The following RFWD3 variants were observed in gnomAD, a reference collection of about 807,000 sequenced individuals.
The protein encoded by RFWD3 is E3 ubiquitin-protein ligase RFWD3.
Under a neutral mutation model 87.7 loss-of-function variants are expected in RFWD3, and 65 were observed. The ratio of observed to expected loss-of-function variants is 0.74; its 90% CI spans 0.61 to 0.91. The LOEUF is 0.91. RFWD3 is among the 40% of genes least tolerant of loss of function. The pLI is 0.00. For synonymous variants in RFWD3, 433 were observed against 352.8 expected, an observed-to-expected ratio of 1.23 and a Z score of -2.55; for missense variants, 1,078 against 938.5, an observed-to-expected ratio of 1.15 and a Z score of -1.94.
intron 1 of RFWD3, chr16:74,664,635 G>C (rs1166207095): frequency 6.6e-6 from 1 of 152,162 alleles, no homozygotes; most frequent in Non-Finnish European, 1.5e-5. Context: ...TGTGGTCCTA[G>C]CTACTTGGGA....
At chr16:74,640,599 C>T (rs1293914781) in intron 6 of RFWD3, among the ~76,000 whole-genome samples, 5 of 151,856 alleles carry the variant, frequency 3.3e-5, no homozygotes, top group Non-Finnish European at 5.9e-5. Flanking sequence ...AATCTGATGG[C>T]GCCACTGCAC....
chr16:74,641,320 G>T (rs1959625119), intron 6 of RFWD3, among the ~76,000 whole-genome samples: 1 of 151,924 alleles, frequency 6.6e-6, no homozygotes, highest in African/African-American at 2.4e-5. Context: ...GTGCCACCAT[G>T]CCCGGCTAAT....
At position 74,651,916 on chromosome 16, in the gene RFWD3, T is replaced by C. The variant is rs1412939605; in HGVS notation, c.721+4A>G. 2 of 1,613,546 alleles carry C rather than the reference T, an allele frequency of 1.2e-6. No individual in the cohort carries two copies. The highest frequency in any genetic ancestry group is 1.7e-6 in the Non-Finnish European group (2 of 1,179,682). On this transcript the variant is annotated splice_donor_region_variant and intron_variant, in intron 3 of 12. Coordinates refer to ENST00000361070, the MANE Select transcript of RFWD3 (RefSeq NM_018124.4). ...GTGAGTCCAAACCTGGGTAAAATAC[T>C]GACCTTCTAAAATGACAGCTCCAGA...
chr16:74,640,299 C>A (rs1366565873), intron 6 of RFWD3, among the ~76,000 whole-genome samples: 3 of 151,862 alleles, frequency 2.0e-5, no homozygotes, highest in Admixed American at 2.0e-4. Context: ...GTGTGTGCCA[C>A]CACGCCCAGC....
intron 4 of RFWD3, among the ~76,000 whole-genome samples, chr16:74,648,737 C>T (rs538929512): frequency 6.6e-6 from 1 of 151,164 alleles, no homozygotes; most frequent in African/African-American, 2.4e-5. Flanking sequence ...ATCGCACCAC[C>T]GCACTCCACC....
At position 74,622,034 on chromosome 16, in the gene RFWD3, A is replaced by G. The variant is rs150675219; in HGVS notation, c.*1894T>C. On this transcript the variant is annotated 3_prime_UTR_variant, in exon 13 of 13. Coordinates refer to ENST00000361070, the MANE Select transcript of RFWD3 (RefSeq NM_018124.4). ...TTAAGATTCACATAACGTCCCTCAT[A>G]GTTAAGTCTCTTGCTTCCTACTATT... 42 of 152,302 alleles carry G rather than the reference A, an allele frequency of 2.8e-4. 1 individual carries two copies. In the East Asian group the frequency reaches 6.9e-3, roughly 25 times the overall value. The allele number at this position is 152,302 out of a possible 1,614,324, so 9.4% of individuals were successfully genotyped here.
At chr16:74,648,006 G>A in intron 4 of RFWD3, among the ~76,000 whole-genome samples, 1 of 152,140 alleles carries the variant, frequency 6.6e-6, no homozygotes, top group Admixed American at 6.5e-5. Flanking sequence ...GAGTGCAGTG[G>A]TGCAATCATG....
chr16:74,628,561 C>T lies in RFWD3; in HGVS notation c.1860G>A (p.Gln620=). ...GAGGCCAATGAGAAAAGTCCATTTTCTGTTCCCAGAATGAAGCATCCTCCA... is the reference window on the plus strand; with the variant it reads ...GAGGCCAATGAGAAAAGTCCATTTTTTGTTCCCAGAATGAAGCATCCTCCA... ...GTLEDASFWE[Q]KMDFSHWPHV... The change falls in exon 11 of 13, where the codon CAG becomes CAA. Residue 620 remains glutamine (Q), a synonymous_variant. Transcript: ENST00000361070. 6.2e-7 allele frequency: 1 copy of T among 1,614,200 alleles called. No individual in the cohort carries two copies. The highest frequency in any genetic ancestry group is 8.5e-7 in the Non-Finnish European group (1 of 1,180,044).
In RFWD3 at chr16:74,629,397, G is replaced by A. The variant is rs141682107; in HGVS notation, c.1755-731C>T. On this transcript the variant is annotated intron_variant, in intron 10 of 12. Coordinates refer to ENST00000361070, the MANE Select transcript of RFWD3 (RefSeq NM_018124.4). ...TGTTTGGCTGGGCATGGTGGCTCAC[G>A]CCTGTAATCCCAGCACTTCGGGAAG... is the stretch of plus-strand genomic sequence containing the variant. Among the ~76,000 whole-genome samples, 297 of 152,282 alleles carry A rather than the reference G, an allele frequency of 2.0e-3. 2 individuals are homozygous for A. The highest frequency in any genetic ancestry group is 3.5e-3 in the Non-Finnish European group (236 of 68,014).
At position 74,632,620 on chromosome 16, in the gene RFWD3, G is replaced by A; in HGVS notation, c.1480C>T (p.Pro494Ser). ...CCACGGATCTGTTTGCCATGCATCGGAATGTACTGACTGCTCTTCATGTTG... is the reference window on the plus strand; with the variant it reads ...CCACGGATCTGTTTGCCATGCATCGAAATGTACTGACTGCTCTTCATGTTG... ...TANMKSSQYI[P>S]MHGKQIRGLA... is the part of the protein sequence containing the mutation. Residue 494 changes from proline to serine, a missense_variant, in exon 9 of 13, where the codon CCG becomes TCG. Physicochemically the swap from Pro to Ser is moderately conservative, Grantham distance 74. Coordinates refer to ENST00000361070, the MANE Select transcript of RFWD3 (RefSeq NM_018124.4). 1.2e-6 allele frequency: 2 copies of A among 1,614,102 alleles called. No homozygotes were observed. Among genetic ancestry groups the A allele is most frequent in the Non-Finnish European group, 1.7e-6 (2 of 1,180,006 alleles).
chr16:74,624,836 G>T (rs769938932), intron 12 of RFWD3, among the ~76,000 whole-genome samples: 2 of 152,194 alleles, frequency 1.3e-5, no homozygotes, highest in African/African-American at 2.4e-5. Flanking sequence ...ATCTCTACAA[G>T]AAAAAATTAG....
chr16:74,652,437 T>C (rs1317306834), intron 2 of RFWD3, among the ~76,000 whole-genome samples: 2 of 152,084 alleles, frequency 1.3e-5, no homozygotes, highest in African/African-American at 2.4e-5. Context: ...TGTATGCTGG[T>C]ATTAGGTGGC....
chr16:74,634,895 A>C (rs1208682045), intron 8 of RFWD3, among the ~76,000 whole-genome samples: 4 of 152,014 alleles, frequency 2.6e-5, no homozygotes, highest in African/African-American at 9.7e-5. Flanking sequence ...TAATCCCAGT[A>C]CTTTCGGAGG....
Position 74,649,163 on chromosome 16 carries a change from C to A in RFWD3, c.761G>T (p.Cys254Phe). 6.4e-7 allele frequency: 1 copy of A among 1,570,700 alleles called. No homozygotes were observed. The highest frequency in any genetic ancestry group is 8.6e-7 in the Non-Finnish European group (1 of 1,166,260). The change falls in exon 4 of 13, where the codon TGT (cysteine) becomes TTT (phenylalanine). Residue 254 changes from cysteine to phenylalanine, a missense_variant. Physicochemically the swap from Cys to Phe is radical, Grantham distance 205. Transcript: ENST00000361070. ...AGVSAEQEVT[C>F]IDGGKTLPKQ... ...GGGGAGGGTCTTGCCTCCATCGATA[C>A]ATGTAACTTCTTGCTCTGCTGAGAC...
At chr16:74,658,611 T>C (rs1262326933) in intron 2 of RFWD3, among the ~76,000 whole-genome samples, 2 of 152,216 alleles carry the variant, frequency 1.3e-5, no homozygotes, top group Non-Finnish European at 2.9e-5. Flanking sequence ...CACATTTACC[T>C]GGCTCCAGAA....
In RFWD3 at chr16:74,625,714, G is replaced by A. The variant is rs145971185; in HGVS notation, c.2181+629C>T. Among the ~76,000 whole-genome samples the A allele has an allele frequency of 3.5e-3, 531 of 152,246 alleles. 3 individuals carry two copies. Among genetic ancestry groups the A allele is most frequent in the Non-Finnish European group, 5.6e-3 (383 of 68,024 alleles). On this transcript the variant is annotated intron_variant, in intron 12 of 12. Transcript: ENST00000361070. The stretch of plus-strand genomic sequence containing the variant: ...GCAACTCCAGTCAATGAAAGTTAGC[G>A]CTAGCTTCTAGAGTGGCACTATACA...
At chr16:74,661,478 AT>A (rs1368563206) in intron 1 of RFWD3, 27 bp from the exon 2 acceptor site, 1 of 1,540,732 alleles carries the variant, frequency 6.5e-7, no homozygotes, top group Non-Finnish European at 8.8e-7. Flanking sequence ...TGTAAAAAGT[AT>A]TAATAAAATA....
At position 74,623,849 on chromosome 16, in the gene RFWD3, A is replaced by G. The variant is rs767361315; in HGVS notation, c.*79T>C. 65 of 1,465,386 alleles carry G rather than the reference A, an allele frequency of 4.4e-5. No homozygotes were observed. Among genetic ancestry groups the G allele is most frequent in the Non-Finnish European group, 6.1e-5 (65 of 1,058,472 alleles). 90.8% of individuals were successfully genotyped at this position (1,465,386 alleles called of 1,614,324 possible). A position where few individuals can be genotyped will look rare whatever the true frequency, so the allele number is the denominator to read the frequency against. The stretch of plus-strand genomic sequence containing the variant: ...ATGTTCTAGACTGCAGACAATAAAC[A>G]GGGATCTTGCTTGGGGCTGCTAGGC... On this transcript the variant is annotated 3_prime_UTR_variant, in exon 13 of 13. Transcript: ENST00000361070.
intron 6 of RFWD3, among the ~76,000 whole-genome samples, chr16:74,641,997 T>C (rs1248526895): frequency 6.7e-6 from 1 of 149,280 alleles, no homozygotes; most frequent in Non-Finnish European, 1.5e-5. Context: ...TATATCATAC[T>C]ATGTATAATT....
Sources: allele counts gnomAD v4.1 joint callset (sites outside exome capture counted in the v4.1 genomes callset), GRCh38; gene constraint gnomAD v4.1.1; transcripts MANE v1.5; gene names NCBI Gene and HGNC (gene_info 2026-07-23, HGNC 2026-07-21).